Variants in SMARCC1 observed in about 807,000 individuals in gnomAD.
SMARCC1 encodes the protein SWI/SNF related BAF chromatin remodeling complex subunit C1, also known as SWI/SNF complex subunit SMARCC1.
In SMARCC1, 43 loss-of-function variants were observed where a neutral mutation model predicts 147.4. The observed-to-expected ratio is 0.29, with a 90% CI of 0.23 to 0.38. SMARCC1 has a LOEUF of 0.38. SMARCC1 is among the 10% of genes least tolerant of loss of function. The pLI is 1.00. For synonymous variants in SMARCC1, 495 were observed against 484.4 expected (o/e 1.02, Z -0.29); for missense variants, 1,119 against 1,381.1 (o/e 0.81, Z 3.01).
chr3:47,720,819 T>C (rs1041783296), intron 6 of SMARCC1, 84 bp from the exon 7 acceptor site: 6 of 1,070,066 alleles, frequency 5.6e-6, no homozygotes, highest in African/African-American at 1.6e-5. Context: ...TTTACTAAGA[T>C]GTTTTAGTTT....
intron 1 of SMARCC1, among the ~76,000 whole-genome samples, 158 bp from the exon 2 acceptor site, chr3:47,773,094 T>C (rs891479983): frequency 2.0e-5 from 3 of 152,104 alleles, no homozygotes; most frequent in Admixed American, 2.0e-4. Flanking sequence ...AACAAATATG[T>C]GTGTGCATTT....
intron 2 of SMARCC1, among the ~76,000 whole-genome samples, chr3:47,760,085 G>A (rs1294830119): frequency 6.6e-6 from 1 of 152,018 alleles, no homozygotes; most frequent in South Asian, 2.1e-4. Context: ...AGGCCGAGAC[G>A]GGCAGATCAC....
At chr3:47,601,379 AC>A (rs1469003671) in intron 26 of SMARCC1, among the ~76,000 whole-genome samples, 11 of 152,218 alleles carry the variant, frequency 7.2e-5, no homozygotes, top group African/African-American at 2.7e-4. Flanking sequence ...AGTCTTGAGC[AC>A]ATTTCATCAA....
intron 4 of SMARCC1, 61 bp from the exon 5 acceptor site, chr3:47,736,187 T>C: frequency 2.2e-6 from 2 of 926,532 alleles, no homozygotes; most frequent in Non-Finnish European, 3.4e-6. Context: ...TCATATTATT[T>C]ATGCAATATA....
At chr3:47,667,107 G>A (rs2033429592) in intron 19 of SMARCC1, among the ~76,000 whole-genome samples, 1 of 151,630 alleles carries the variant, frequency 6.6e-6, no homozygotes, top group Admixed American at 6.6e-5. Context: ...CACGAGGTCA[G>A]GAGATCGAGA....
intron 21 of SMARCC1, among the ~76,000 whole-genome samples, chr3:47,645,294 C>CA (rs2033104843): frequency 6.8e-6 from 1 of 146,952 alleles, no homozygotes; most frequent in Non-Finnish European, 1.5e-5. Flanking sequence ...CTGTCCCCCC[C>CA]ACCAAAAAAA....
At chr3:47,694,575 G>A (rs894016677) in intron 11 of SMARCC1, among the ~76,000 whole-genome samples, 7 of 152,096 alleles carry the variant, frequency 4.6e-5, no homozygotes, top group Non-Finnish European at 1.0e-4. Context: ...ATTCCAGCCT[G>A]GACAACAGAG....
chr3:47,732,152 T>C (rs768928918), intron 5 of SMARCC1, among the ~76,000 whole-genome samples: 1 of 152,260 alleles, frequency 6.6e-6, no homozygotes, highest in African/African-American at 2.4e-5. Context: ...GGCATTTTTA[T>C]GTTCTGAAAA....
At chr3:47,756,375 A>G (rs1247663548) in intron 2 of SMARCC1, among the ~76,000 whole-genome samples, 4 of 151,786 alleles carry the variant, frequency 2.6e-5, no homozygotes, top group Non-Finnish European at 5.9e-5. Flanking sequence ...CTCTACTAAA[A>G]ATACAAAACC....
intron 2 of SMARCC1, among the ~76,000 whole-genome samples, chr3:47,752,047 G>A (rs1162381079): frequency 6.6e-6 from 1 of 152,180 alleles, no homozygotes; most frequent in East Asian, 1.9e-4. Context: ...TTGCGCCACT[G>A]TACTCCAGCC....
chr3:47,635,335 T>G lies in SMARCC1; in HGVS notation c.2501A>C (p.Glu834Ala), dbSNP rs149750710. 2.5e-6 allele frequency: 4 copies of G among 1,611,530 alleles called. No homozygotes were observed. The highest frequency in any genetic ancestry group is 3.4e-6 in the Non-Finnish European group (4 of 1,179,848). ...AGTGAGTTCTTTGTTCTCTTCAGTC[T>G]CCTTTTCTTCTGAAAATATCAGAAA... Reference protein sequence around the residue: ...VSEDTKSEEKETEENKELTDT... With the variant: ...VSEDTKSEEKATEENKELTDT... Residue 834 changes from glutamate (E) to alanine (A), a missense_variant, in exon 24 of 28, where the codon GAG (glutamate) becomes GCG (alanine). By Grantham distance (107) the Glu-to-Ala change is moderately radical (BLOSUM62 -1). Coordinates refer to ENST00000254480, the MANE Select transcript of SMARCC1 (RefSeq NM_003074.4).
chr3:47,774,639 G>A (rs1249735094), intron 1 of SMARCC1, among the ~76,000 whole-genome samples: 3 of 151,650 alleles, frequency 2.0e-5, no homozygotes, highest in Non-Finnish European at 2.9e-5. Flanking sequence ...GGATGGTCTC[G>A]ATCTCCTGAC....
chr3:47,610,356 G>A (rs766792560), intron 25 of SMARCC1, 29 bp from the exon 26 acceptor site: 2 of 1,613,082 alleles, frequency 1.2e-6, no homozygotes, highest in Non-Finnish European at 1.7e-6. Flanking sequence ...GAAGAGAAAT[G>A]ACACCAGAAG....
intron 21 of SMARCC1, among the ~76,000 whole-genome samples, chr3:47,651,010 TAG>T (rs1284756403): frequency 6.6e-6 from 1 of 152,030 alleles, no homozygotes; most frequent in Non-Finnish European, 1.5e-5. Context: ...TGAAAAAATA[TAG>T]GTCAGACTCA....
intron 2 of SMARCC1, among the ~76,000 whole-genome samples, chr3:47,763,879 C>G (rs1229295141): frequency 6.6e-6 from 1 of 151,550 alleles, no homozygotes; most frequent in Non-Finnish European, 1.5e-5. Flanking sequence ...ACCACCACAC[C>G]AAGCTAATTT....
At chr3:47,596,686 C>T (rs890853401) in intron 26 of SMARCC1, among the ~76,000 whole-genome samples, 4 of 151,928 alleles carry the variant, frequency 2.6e-5, no homozygotes, top group Non-Finnish European at 4.4e-5. Flanking sequence ...CCTCAGCCTC[C>T]TGTGTAGCTG....
At chr3:47,731,522 C>T (rs187919957) in intron 5 of SMARCC1, among the ~76,000 whole-genome samples, 1 of 152,240 alleles carries the variant, frequency 6.6e-6, no homozygotes, top group Non-Finnish European at 1.5e-5. Context: ...TTACTTTGCC[C>T]AGATCCATCA....
intron 21 of SMARCC1, among the ~76,000 whole-genome samples, chr3:47,660,997 C>T (rs894946727): frequency 1.1e-4 from 16 of 152,068 alleles, no homozygotes; most frequent in African/African-American, 2.9e-4. Flanking sequence ...CTTTTTTTCA[C>T]CTACAGTTCC....
chr3:47,738,992 A>C (rs568320226), intron 3 of SMARCC1, among the ~76,000 whole-genome samples: 1 of 152,330 alleles, frequency 6.6e-6, no homozygotes, highest in East Asian at 1.9e-4. Context: ...GTCTCTTTAC[A>C]TTAAGTTCCC....
Sources: allele counts gnomAD v4.1 joint callset (sites outside exome capture counted in the v4.1 genomes callset), GRCh38; gene constraint gnomAD v4.1.1; transcripts MANE v1.5; gene names NCBI Gene and HGNC (gene_info 2026-07-23, HGNC 2026-07-21).